MAP2K7: variants seen among roughly 807,000 people sequenced by gnomAD.
The protein encoded by MAP2K7 is dual specificity mitogen-activated protein kinase kinase 7.
Under a neutral mutation model 47.7 loss-of-function variants are expected in MAP2K7, and 12 were observed. The ratio of observed to expected loss-of-function variants is 0.25; its 90% CI spans 0.16 to 0.41. The LOEUF (loss-of-function observed/expected upper bound fraction) is 0.41. MAP2K7 is among the 10% of genes least tolerant of loss of function. The pLI, the probability that MAP2K7 is intolerant of heterozygous loss-of-function variation, is 1.00. For synonymous variants in MAP2K7, 299 were observed against 243.0 expected (o/e 1.23, Z -2.14); for missense variants, 415 against 600.3 (o/e 0.69, Z 3.23).
rs1982946287 is a variant in MAP2K7, at chr19:7,912,417, C to T, written c.1246C>T (p.Pro416Ser). Residue 416 changes from proline (P) to serine (S), a missense_variant, in exon 11 of 11, where the codon CCC (proline) becomes TCC (serine). Pro to Ser is a moderately conservative substitution (Grantham distance 74). Coordinates refer to ENST00000397979, the MANE Select transcript of MAP2K7 (RefSeq NM_145185.4). ...TSGVLSQPHL[P>S]FFR is the part of the protein sequence containing the mutation. ...CGGCGTCCTGAGCCAGCCCCACCTG[C>T]CCTTCTTCAGGTAGCTGCTTGGCGG... 9.9e-6 allele frequency: 16 copies of T among 1,612,152 alleles called. No homozygotes were observed. The highest frequency in any genetic ancestry group is 1.4e-5 in the Non-Finnish European group (16 of 1,179,834).
intron 2 of MAP2K7, 65 bp downstream of exon 2, chr19:7,909,961 G>A (rs1982713059): frequency 7.3e-6 from 11 of 1,505,928 alleles, no homozygotes; most frequent in Non-Finnish European, 8.0e-6. Flanking sequence ...GCCAGCCCTG[G>A]GAGGAGGGTG....
chr19:7,911,015 C>G lies in MAP2K7; in HGVS notation c.711C>G (p.His237Gln). 6.2e-7 allele frequency: 1 copy of G among 1,612,524 alleles called. No individual in the cohort carries two copies. Among genetic ancestry groups the G allele is most frequent in the Non-Finnish European group, 8.5e-7 (1 of 1,179,688 alleles). ...CGCTGTACTACCTGAAGGAGAAGCA[C>G]GGTGTCATCCACCGCGACGTCAAGC... ...VKALYYLKEKHGVIHRDVKPS... is the reference protein window; with the variant it reads ...VKALYYLKEKQGVIHRDVKPS... The change falls in exon 7 of 11, where the codon CAC (histidine) becomes CAG (glutamine). Residue 237 changes from histidine (H) to glutamine (Q), a missense_variant. His to Gln is a conservative substitution (Grantham distance 24). Coordinates refer to ENST00000397979, the MANE Select transcript of MAP2K7 (RefSeq NM_145185.4).
chr19:7,904,648 G>A (rs1162392896), intron 1 of MAP2K7: 1 of 164,384 alleles, frequency 6.1e-6, no homozygotes, highest in African/African-American at 2.4e-5. Flanking sequence ...GACGGGAGGG[G>A]GTCCCTTCTC....
At chr19:7,912,031 C>T in intron 9 of MAP2K7, 118 bp from the exon 10 acceptor site, 1 of 892,296 alleles carries the variant, frequency 1.1e-6, no homozygotes, top group Non-Finnish European at 1.8e-6. Flanking sequence ...TCCACAGCTC[C>T]TTCCCCCACA....
rs756291133 is a variant in MAP2K7 at position 7,905,869 on chromosome 19, T to TA, written c.124+1802dup. 3.1e-6 allele frequency: 5 copies of TA among 1,611,976 alleles called. No individual in the cohort carries two copies. The South Asian group carries it at 5.5e-5, about 18-fold the overall frequency. Reference sequence around the variant, plus strand: ...CCCAACGAGCAGGTACCAGCCTTTTTATCATCGCTGCTTGGACATCTGCAC... The same window carrying TA: ...CCCAACGAGCAGGTACCAGCCTTTTTAATCATCGCTGCTTGGACATCTGCAC... On this transcript the variant is annotated intron_variant, in intron 1 of 10. Coordinates refer to ENST00000397979, the MANE Select transcript of MAP2K7 (RefSeq NM_145185.4).
At chr19:7,907,229 C>G (rs1402349788) in intron 1 of MAP2K7, among the ~76,000 whole-genome samples, 2 of 151,954 alleles carry the variant, frequency 1.3e-5, no homozygotes, top group Non-Finnish European at 2.9e-5. Flanking sequence ...GCAGCGCCAG[C>G]CTGTGTGGGG....
At chr19:7,908,222 G>C (rs1568276124) in intron 1 of MAP2K7, among the ~76,000 whole-genome samples, 1 of 151,938 alleles carries the variant, frequency 6.6e-6, no homozygotes, top group Non-Finnish European at 1.5e-5. Flanking sequence ...CAGTGGCCAG[G>C]ACAGCGGGAG....
In MAP2K7 at chr19:7,911,051, C is replaced by A. The variant is rs765683504; in HGVS notation, c.747C>A (p.Ile249=). 3.1e-6 allele frequency: 5 copies of A among 1,612,686 alleles called. No homozygotes were observed. The highest frequency in any genetic ancestry group is 4.2e-6 in the Non-Finnish European group (5 of 1,179,910). ...VIHRDVKPSN[I]LLDERGQIKL... The stretch of plus-strand genomic sequence containing the variant: ...ACCGCGACGTCAAGCCCTCCAACAT[C>A]CTGCTGGACGAGCGGGGCCAGATCA... Residue 249 remains isoleucine, a synonymous_variant, in exon 7 of 11, where the codon ATC becomes ATA. Coordinates refer to ENST00000397979, the MANE Select transcript of MAP2K7 (RefSeq NM_145185.4).
At chr19:7,912,013 TG>T in intron 9 of MAP2K7, 135 bp from the exon 10 acceptor site, 1 of 778,920 alleles carries the variant, frequency 1.3e-6, no homozygotes, top group Non-Finnish European at 2.2e-6. Flanking sequence ...GCCGGGGTCC[TG>T]AGGACATCCA....
Position 7,909,744 on chromosome 19 carries a change from C to T in MAP2K7, c.125-11C>T. 5 of 1,530,498 alleles carry T rather than the reference C, an allele frequency of 3.3e-6. No homozygotes were observed. In the South Asian group the frequency reaches 6.0e-5, roughly 18 times the overall value. 94.8% of individuals were successfully genotyped at this position (1,530,498 alleles called of 1,614,324 possible). Reference sequence around the variant, plus strand: ...GACCCCCCTCCCTGCCACTGGTTCTCACCCCCCTAGCCCTGCAGCTCCCGC... The same window carrying T: ...GACCCCCCTCCCTGCCACTGGTTCTTACCCCCCTAGCCCTGCAGCTCCCGC... On this transcript the variant is annotated splice_polypyrimidine_tract_variant and intron_variant, in intron 1 of 10. Coordinates refer to ENST00000397979, the MANE Select transcript of MAP2K7 (RefSeq NM_145185.4).
chr19:7,909,078 C>A (rs1982645475), intron 1 of MAP2K7, among the ~76,000 whole-genome samples: 1 of 152,206 alleles, frequency 6.6e-6, no homozygotes, highest in Non-Finnish European at 1.5e-5. Context: ...AGCTGTGCCC[C>A]CGAGCTCTCC....
chr19:7,904,828 C>T (rs968930045), intron 1 of MAP2K7, among the ~76,000 whole-genome samples: 2 of 152,106 alleles, frequency 1.3e-5, no homozygotes, highest in African/African-American at 2.4e-5. Context: ...GACTTTGTCA[C>T]CTGTGTTCAA....
At position 7,912,693 on chromosome 19, in the gene MAP2K7, C is replaced by G; in HGVS notation, c.*262C>G. 1 of 539,534 alleles carries G rather than the reference C, an allele frequency of 1.9e-6. No individual in the cohort carries two copies. Among genetic ancestry groups the G allele is most frequent in the Non-Finnish European group, 3.3e-6 (1 of 302,966 alleles). 33.4% of individuals were successfully genotyped at this position (539,534 alleles called of 1,614,324 possible). A position where few individuals can be genotyped will look rare whatever the true frequency, so the allele number is the denominator to read the frequency against. On this transcript the variant is annotated 3_prime_UTR_variant, in exon 11 of 11. Coordinates refer to ENST00000397979, the MANE Select transcript of MAP2K7 (RefSeq NM_145185.4). ...GAAGACAGCAGGCCGCGATCAGAGT[C>G]GCTGTTCATTCAGCCGCAGCCTCTG...
At position 7,912,571 on chromosome 19, in the gene MAP2K7, GCC is replaced by G. The variant is rs1599630473; in HGVS notation, c.*142_*143del. On this transcript the variant is annotated 3_prime_UTR_variant, in exon 11 of 11. Transcript: ENST00000397979. The stretch of plus-strand genomic sequence containing the variant: ...GGACTGAGGACAGAGAGTGGGGGGT[GCC>G]CACCCACCCCCCCCGCCCCGGGCCT... The G allele has an allele frequency of 1.0e-6, 1 of 990,326 alleles. No homozygotes were observed. The highest frequency in any genetic ancestry group is 1.8e-5 in the African/African-American group (1 of 56,978). The allele number at this position is 990,326 out of a possible 1,614,324, so 61.3% of individuals were successfully genotyped here.
chr19:7,911,688 G>A (rs374910206), intron 9 of MAP2K7, 110 bp downstream of exon 9: 173 of 1,152,436 alleles, frequency 1.5e-4, no homozygotes, highest in Non-Finnish European at 1.8e-4. Flanking sequence ...GGGCGGATGC[G>A]ACTGTGGGCG....
intron 1 of MAP2K7, among the ~76,000 whole-genome samples, chr19:7,905,427 A>G (rs1982383912): frequency 6.6e-6 from 1 of 152,156 alleles, no homozygotes; most frequent in Admixed American, 6.5e-5. Flanking sequence ...ATTCTGGTGC[A>G]GGACACTGCC....
intron 1 of MAP2K7, among the ~76,000 whole-genome samples, chr19:7,908,345 G>A (rs1982595938): frequency 6.6e-6 from 1 of 152,120 alleles, no homozygotes; most frequent in Non-Finnish European, 1.5e-5. Flanking sequence ...GGGGAGCTAG[G>A]GGGCACAGCT....
chr19:7,905,701 T>C, intron 1 of MAP2K7: 2 of 970,432 alleles, frequency 2.1e-6, no homozygotes, highest in Non-Finnish European at 3.3e-6. Flanking sequence ...GTTCGGTGCC[T>C]CCCCCTCCTC....
At chr19:7,912,038 C>T in intron 9 of MAP2K7, 111 bp from the exon 10 acceptor site, 6 of 945,866 alleles carry the variant, frequency 6.3e-6, no homozygotes, top group Middle Eastern at 2.3e-4. Context: ...CTCCTTCCCC[C>T]ACACACATCT....
Sources: gnomAD v4.1 joint callset for allele counts (sites outside exome capture counted in the v4.1 genomes callset) on GRCh38, gnomAD v4.1.1 for gene constraint, MANE v1.5 for transcripts, NCBI Gene and HGNC (gene_info 2026-07-23, HGNC 2026-07-21) for gene names.